ARL8B: variants seen among roughly 807,000 people sequenced by gnomAD.
ARL8B encodes the protein ADP-ribosylation factor-like protein 8B.
ARL8B carries 9 observed loss-of-function variants against 30.6 expected under a neutral mutation model. The ratio of observed to expected loss-of-function variants is 0.29; its 90% CI spans 0.18 to 0.51. The LOEUF (loss-of-function observed/expected upper bound fraction) is 0.51. ARL8B is among the 20% of genes least tolerant of loss of function. The pLI, the probability that ARL8B is intolerant of heterozygous loss-of-function variation, is 0.97. For synonymous variants in ARL8B, 74 were observed against 76.0 expected (o/e 0.97, Z 0.14); for missense variants, 130 against 227.2 (o/e 0.57, Z 2.75).
chr3:5,141,999 A>G (rs535890771), intron 1 of ARL8B, among the ~76,000 whole-genome samples: 5 of 152,298 alleles, frequency 3.3e-5, no homozygotes, highest in African/African-American at 9.6e-5. Context: ...AGGGACTCCT[A>G]TTGAGTCAAC....
chr3:5,150,956 C>A (rs879898154), intron 1 of ARL8B, among the ~76,000 whole-genome samples: 1 of 151,730 alleles, frequency 6.6e-6, no homozygotes, highest in Admixed American at 6.6e-5. Context: ...GAAATAGGTT[C>A]ATTTCATCAA....
intron 1 of ARL8B, among the ~76,000 whole-genome samples, chr3:5,140,010 G>A (rs1238994118): frequency 4.4e-5 from 6 of 137,568 alleles, no homozygotes; most frequent in South Asian, 4.4e-4. Context: ...TTTTTGAGAC[G>A]GAGTCTTGCT....
At chr3:5,150,655 T>C (rs923586296) in intron 1 of ARL8B, among the ~76,000 whole-genome samples, 38 of 141,168 alleles carry the variant, frequency 2.7e-4, no homozygotes, top group Middle Eastern at 4.6e-3. Context: ...TGGTGGCACA[T>C]GCCTGTAATC....
At chr3:5,152,716 C>T (rs1026612443) in intron 1 of ARL8B, among the ~76,000 whole-genome samples, 1 of 152,208 alleles carries the variant, frequency 6.6e-6, no homozygotes, top group Non-Finnish European at 1.5e-5. Flanking sequence ...GAACTGCTAG[C>T]CTCAAGTGAT....
chr3:5,122,432 G>C lies in ARL8B; in HGVS notation c.-34G>C. 6.2e-7 allele frequency: 1 copy of C among 1,610,570 alleles called. No homozygotes were observed. ...AAGTCGTCGACGCCGCCGCTCGTCC[G>C]TCCTCCCGTCCGTTCTCGCTCCCGG... On this transcript the variant is annotated 5_prime_UTR_variant, in exon 1 of 7. Transcript: ENST00000256496.
At chr3:5,174,320 T>C in intron 5 of ARL8B, 24 bp from the exon 6 acceptor site, 2 of 1,521,426 alleles carry the variant, frequency 1.3e-6, no homozygotes, top group Non-Finnish European at 1.8e-6. Context: ...AAGCACAGAC[T>C]TATCCTTTTA....
intron 6 of ARL8B, among the ~76,000 whole-genome samples, chr3:5,174,864 G>A (rs1342633752): frequency 2.6e-5 from 4 of 151,066 alleles, no homozygotes; most frequent in Non-Finnish European, 4.4e-5. Context: ...GTGCAGTGGC[G>A]TGATCTCGAC....
intron 1 of ARL8B, among the ~76,000 whole-genome samples, chr3:5,166,099 G>A (rs962750339): frequency 4.6e-5 from 7 of 151,326 alleles, no homozygotes; most frequent in Non-Finnish European, 1.0e-4. Context: ...GAGTGCAGTG[G>A]CGTGATCTTG....
chr3:5,149,464 T>C lies in ARL8B; in HGVS notation c.124-21039T>C, dbSNP rs372162460. Among the ~76,000 whole-genome samples the C allele has an allele frequency of 2.6e-5, 4 of 151,884 alleles. No individual in the cohort carries two copies. The East Asian group carries it at 5.8e-4, about 22-fold the overall frequency. On this transcript the variant is annotated intron_variant, in intron 1 of 6. Coordinates refer to ENST00000256496, the MANE Select transcript of ARL8B (RefSeq NM_018184.3). ...AAATGGACTTGGAGACACCATCCCG[T>C]GTGTGGTAGGCAGGCACACCTGGGG...
intron 1 of ARL8B, among the ~76,000 whole-genome samples, chr3:5,123,037 G>C (rs914909141): frequency 6.6e-6 from 1 of 152,130 alleles, no homozygotes; most frequent in Non-Finnish European, 1.5e-5. Context: ...CTCTTAAGTT[G>C]CCACTTTGGA....
chr3:5,155,141 A>C (rs894523017), intron 1 of ARL8B, among the ~76,000 whole-genome samples: 4 of 151,962 alleles, frequency 2.6e-5, no homozygotes, highest in Admixed American at 2.0e-4. Flanking sequence ...GAATGTTTTA[A>C]TTTTTCTCCA....
At chr3:5,145,823 G>T (rs1473354247) in intron 1 of ARL8B, among the ~76,000 whole-genome samples, 4 of 123,744 alleles carry the variant, frequency 3.2e-5, no homozygotes, top group Non-Finnish European at 6.4e-5. Flanking sequence ...TTAGGAAAAG[G>T]TAGACCCCTC....
In ARL8B at chr3:5,125,963, A is replaced by G. The variant is rs150075416; in HGVS notation, c.123+3375A>G. Among the ~76,000 whole-genome samples, 1,186 of 152,320 alleles carry G rather than the reference A, an allele frequency of 7.8e-3. 11 individuals are homozygous for G. Among genetic ancestry groups the G allele is most frequent in the Non-Finnish European group, 8.7e-3 (592 of 68,028 alleles). On this transcript the variant is annotated intron_variant, in intron 1 of 6. Coordinates refer to ENST00000256496, the MANE Select transcript of ARL8B (RefSeq NM_018184.3). The stretch of plus-strand genomic sequence containing the variant: ...GAATTAGTCATTCCACACTGTAAAC[A>G]TGTATCAGAACATCTCATTGTACTC...
At chr3:5,163,489 C>T (rs2054598940) in intron 1 of ARL8B, among the ~76,000 whole-genome samples, 1 of 152,170 alleles carries the variant, frequency 6.6e-6, no homozygotes, top group African/African-American at 2.4e-5. Context: ...CCATAGTGTT[C>T]TGAAATTGGG....
chr3:5,146,722 A>G (rs1161911776), intron 1 of ARL8B, among the ~76,000 whole-genome samples: 3 of 152,110 alleles, frequency 2.0e-5, no homozygotes, highest in Non-Finnish European at 4.4e-5. Flanking sequence ...CTGCTTTGGG[A>G]ACATATAAGA....
chr3:5,177,640 G>A (rs1443487351), intron 6 of ARL8B, among the ~76,000 whole-genome samples: 1 of 152,038 alleles, frequency 6.6e-6, no homozygotes, highest in East Asian at 1.9e-4. Context: ...ATTTTTAGTA[G>A]AGATGGGGTT....
intron 1 of ARL8B, among the ~76,000 whole-genome samples, chr3:5,148,234 C>T (rs1215892346): frequency 2.0e-5 from 3 of 152,086 alleles, no homozygotes; most frequent in Non-Finnish European, 4.4e-5. Flanking sequence ...GATTTCATTT[C>T]CTTCTTGAAA....
At chr3:5,139,065 G>A (rs142949632) in intron 1 of ARL8B, among the ~76,000 whole-genome samples, 188 of 152,266 alleles carry the variant, frequency 1.2e-3, no homozygotes, top group African/African-American at 4.5e-3. Flanking sequence ...AATGATTTTA[G>A]GGAATTATTA....
intron 1 of ARL8B, among the ~76,000 whole-genome samples, chr3:5,161,865 T>A (rs1199704808): frequency 6.6e-6 from 1 of 152,212 alleles, no homozygotes; most frequent in Non-Finnish European, 1.5e-5. Flanking sequence ...CAGTCTCCTC[T>A]GTTTTGCATA....
Sources: gnomAD v4.1 joint callset for allele counts (sites outside exome capture counted in the v4.1 genomes callset) on GRCh38, gnomAD v4.1.1 for gene constraint, MANE v1.5 for transcripts, NCBI Gene and HGNC (gene_info 2026-07-23, HGNC 2026-07-21) for gene names.